CSNK1G1: variants seen among roughly 807,000 people sequenced by gnomAD.
CSNK1G1 encodes casein kinase 1 gamma 1, also known as casein kinase I isoform gamma-1.
A neutral mutation model predicts 59.6 loss-of-function variants in CSNK1G1; 22 were observed. That is an observed-to-expected ratio of 0.37 (90% CI 0.26 to 0.53). The LOEUF (loss-of-function observed/expected upper bound fraction) is 0.53. CSNK1G1 is among the 20% of genes least tolerant of loss of function. The pLI, the probability that CSNK1G1 is intolerant of heterozygous loss-of-function variation, is 0.89. For synonymous variants in CSNK1G1, 179 were observed against 177.1 expected, an observed-to-expected ratio of 1.01 and a Z score of -0.08; for missense variants, 384 against 519.5, an observed-to-expected ratio of 0.74 and a Z score of 2.54.
chr15:64,202,976 C>T, intron 10 of CSNK1G1, 106 bp downstream of exon 10: 1 of 831,646 alleles, frequency 1.2e-6, no homozygotes, highest in Non-Finnish European at 2.0e-6. Flanking sequence ...AGCATTTGAT[C>T]TTTATTTTCA....
chr15:64,350,302 G>T (rs939041922), intron 1 of CSNK1G1, among the ~76,000 whole-genome samples: 1 of 151,990 alleles, frequency 6.6e-6, no homozygotes, highest in Admixed American at 6.6e-5. Flanking sequence ...GACCATCCTG[G>T]CTAACACGGT....
intron 1 of CSNK1G1, among the ~76,000 whole-genome samples, chr15:64,329,921 C>A (rs937705664): frequency 6.7e-6 from 1 of 148,200 alleles, no homozygotes; most frequent in South Asian, 2.2e-4. Flanking sequence ...ACTAGAAAAT[C>A]TAGAAGAAAT....
chr15:64,278,377 C>CGTGTGTGTGTGTGTGTGTGTGT (rs56064136), intron 2 of CSNK1G1, among the ~76,000 whole-genome samples: 1 of 111,488 alleles, frequency 9.0e-6, no homozygotes, highest in Non-Finnish European at 1.8e-5. Flanking sequence ...CATGTATGTG[C>CGTGTGTGTGTGTGTGTGTGTGT]GTGTGTGTGT....
chr15:64,259,154 C>G lies in CSNK1G1; in HGVS notation c.222+47G>C, dbSNP rs778369176. ...ACTATTTCCTATAAAAAGATATAAGCAATGGGAGCACCAAAACATTAATTA... is the reference window on the plus strand; with the variant it reads ...ACTATTTCCTATAAAAAGATATAAGGAATGGGAGCACCAAAACATTAATTA... On this transcript the variant is annotated intron_variant, in intron 3 of 11. Transcript: ENST00000303052. 6 of 1,472,328 alleles carry G rather than the reference C, an allele frequency of 4.1e-6. No individual in the cohort carries two copies. In the African/African-American group the frequency reaches 4.2e-5, roughly 10 times the overall value. 91.2% of individuals were successfully genotyped at this position (1,472,328 alleles called of 1,614,324 possible).
chr15:64,226,449 G>T (rs546453436), intron 4 of CSNK1G1, among the ~76,000 whole-genome samples: 1 of 152,048 alleles, frequency 6.6e-6, no homozygotes, highest in Admixed American at 6.6e-5. Flanking sequence ...TCCCAGACTA[G>T]GGAGGCTGAG....
At chr15:64,336,149 G>A (rs931380369) in intron 1 of CSNK1G1, among the ~76,000 whole-genome samples, 5 of 152,046 alleles carry the variant, frequency 3.3e-5, no homozygotes, top group African/African-American at 7.2e-5. Flanking sequence ...TACCTAAACC[G>A]TTCAAAGCAC....
chr15:64,256,723 T>G (rs1892393545), intron 3 of CSNK1G1, among the ~76,000 whole-genome samples: 1 of 152,212 alleles, frequency 6.6e-6, no homozygotes, highest in South Asian at 2.1e-4. Context: ...TTGTTTACTT[T>G]GTGTACGATT....
intron 2 of CSNK1G1, among the ~76,000 whole-genome samples, chr15:64,290,618 G>T (rs188043590): frequency 6.6e-6 from 1 of 151,890 alleles, no homozygotes; most frequent in Non-Finnish European, 1.5e-5. Flanking sequence ...TTATTTAATG[G>T]ATACAATGCA....
intron 1 of CSNK1G1, among the ~76,000 whole-genome samples, chr15:64,343,073 G>A (rs1187407035): frequency 6.6e-6 from 1 of 152,152 alleles, no homozygotes; most frequent in Non-Finnish European, 1.5e-5. Flanking sequence ...TTAGCGGGGT[G>A]TGGTGGCGCA....
intron 11 of CSNK1G1, among the ~76,000 whole-genome samples, chr15:64,177,217 C>T (rs1003845658): frequency 6.6e-6 from 1 of 152,138 alleles, no homozygotes; most frequent in African/African-American, 2.4e-5. Context: ...ACATGGTCTC[C>T]CCAGTACTGA....
intron 2 of CSNK1G1, among the ~76,000 whole-genome samples, chr15:64,276,965 AAAAG>A (rs1893660534): frequency 6.6e-6 from 1 of 151,856 alleles, no homozygotes; most frequent in African/African-American, 2.4e-5. Context: ...AAAAAAAAGA[AAAAG>A]AAAATAGTTG....
intron 4 of CSNK1G1, among the ~76,000 whole-genome samples, chr15:64,245,471 C>CAA (rs979612278): frequency 7.9e-5 from 12 of 152,110 alleles, no homozygotes; most frequent in South Asian, 4.1e-4. Context: ...CAGCCATTAT[C>CAA]AAAATCAGTT....
chr15:64,308,881 A>T (rs1478996488), intron 1 of CSNK1G1, among the ~76,000 whole-genome samples: 1 of 131,870 alleles, frequency 7.6e-6, no homozygotes, highest in African/African-American at 2.7e-5. Context: ...TGGGCGACAG[A>T]GTGAGACTCT....
At chr15:64,299,469 G>T (rs1176308349) in intron 2 of CSNK1G1, among the ~76,000 whole-genome samples, 1 of 151,936 alleles carries the variant, frequency 6.6e-6, no homozygotes, top group South Asian at 2.1e-4. Flanking sequence ...GCGGATGCCT[G>T]TAGTCCCAGC....
At chr15:64,348,187 G>A (rs1024105100) in intron 1 of CSNK1G1, among the ~76,000 whole-genome samples, 3 of 152,142 alleles carry the variant, frequency 2.0e-5, no homozygotes, top group Admixed American at 1.3e-4. Context: ...GGGATGTGAA[G>A]CACACAGGAT....
chr15:64,253,871 G>A (rs1174627541), intron 3 of CSNK1G1, among the ~76,000 whole-genome samples: 1 of 152,180 alleles, frequency 6.6e-6, no homozygotes, highest in Non-Finnish European at 1.5e-5. Context: ...CAGGCGCGGT[G>A]GCTCACGCCT....
At chr15:64,345,531 C>A (rs576719155) in intron 1 of CSNK1G1, among the ~76,000 whole-genome samples, 3 of 152,322 alleles carry the variant, frequency 2.0e-5, no homozygotes, top group African/African-American at 7.2e-5. Flanking sequence ...CCCTTTACAA[C>A]CTGAAACATC....
chr15:64,325,526 T>C (rs1896792257), intron 1 of CSNK1G1, among the ~76,000 whole-genome samples: 1 of 152,204 alleles, frequency 6.6e-6, no homozygotes. Flanking sequence ...AAAAATTATA[T>C]AATCATTTCT....
chr15:64,353,655 A>AG (rs1898458078), intron 1 of CSNK1G1, among the ~76,000 whole-genome samples: 1 of 147,610 alleles, frequency 6.8e-6, no homozygotes, highest in African/African-American at 2.7e-5. Context: ...TCAAAAAAAA[A>AG]AAAAAAAAAG....
Sources: gnomAD v4.1 joint callset for allele counts (sites outside exome capture counted in the v4.1 genomes callset) on GRCh38, gnomAD v4.1.1 for gene constraint, MANE v1.5 for transcripts, NCBI Gene and HGNC (gene_info 2026-07-23, HGNC 2026-07-21) for gene names.